AHCY: variants seen among roughly 807,000 people sequenced by gnomAD.
AHCY encodes the protein S-adenosyl-L-homocysteine hydrolase.
AHCY carries 24 observed loss-of-function variants against 45.4 expected under a neutral mutation model. The observed-to-expected ratio is 0.53, with a 90% CI of 0.38 to 0.74. The LOEUF is 0.74. Among genes scored for constraint, AHCY ranks in the 30% least tolerant of loss-of-function variants. The pLI is 0.00. For synonymous variants in AHCY, 245 were observed against 235.1 expected (o/e 1.04, Z -0.39); for missense variants, 449 against 594.1 (o/e 0.76, Z 2.54).
chr20:34,269,159 A>C, the AHCY span: 7 of 1,535,122 alleles, frequency 4.6e-6, no homozygotes, highest in South Asian at 8.4e-5. Flanking sequence ...GCTCAGCCTC[A>C]ACTGCTGAGC....
At chr20:34,235,869 G>GGGAGGGAA in the AHCY span, among the ~76,000 whole-genome samples, 1 of 32,322 alleles carries the variant, frequency 3.1e-5, no homozygotes, top group Non-Finnish European at 5.5e-5. Context: ...AGGAAGGAAA[G>GGGAGGGAA]GAAGGAAGGA....
At chr20:34,286,300 G>C (rs2036182967) in intron 8 of AHCY, 1 of 154,440 alleles carries the variant, frequency 6.5e-6, no homozygotes, top group Non-Finnish European at 1.4e-5. Context: ...TTTCATCCCA[G>C]AAACAACCCT....
chr20:34,308,457 G>A (rs2036916568), intron 1 of AHCY, among the ~76,000 whole-genome samples: 1 of 152,132 alleles, frequency 6.6e-6, no homozygotes, highest in Admixed American at 6.5e-5. Flanking sequence ...GGCTGAGGCA[G>A]GACAGTTGCT....
Position 34,280,796 on chromosome 20 carries a change from T to G in AHCY, c.*238A>C, listed in dbSNP as rs1484735848. 1.7e-6 allele frequency: 1 copy of G among 577,938 alleles called. No individual in the cohort carries two copies. Among genetic ancestry groups the G allele is most frequent in the Non-Finnish European group, 3.1e-6 (1 of 326,188 alleles). 35.8% of individuals were successfully genotyped at this position (577,938 alleles called of 1,614,324 possible). ...TGTTCCAAGACCACTGAGCTCATGG[T>G]TCCCTGTGGCTGGGACCTCCATCAT... On this transcript the variant is annotated 3_prime_UTR_variant, in exon 10 of 10. Transcript: ENST00000217426.
chr20:34,245,730 T>C, the AHCY span, among the ~76,000 whole-genome samples: 4 of 151,984 alleles, frequency 2.6e-5, no homozygotes, highest in African/African-American at 7.3e-5. Flanking sequence ...TATTCATGCA[T>C]GAGCATGACA....
intron 1 of AHCY, among the ~76,000 whole-genome samples, chr20:34,298,716 G>C (rs2036669433): frequency 6.6e-6 from 1 of 151,954 alleles, no homozygotes; most frequent in Non-Finnish European, 1.5e-5. Context: ...GTTATCCAGA[G>C]GCCTAACCAT....
At chr20:34,265,128 A>G in the AHCY span, among the ~76,000 whole-genome samples, 5 of 152,212 alleles carry the variant, frequency 3.3e-5, no homozygotes, top group South Asian at 1.0e-3. Flanking sequence ...AGTATATAAT[A>G]CATATAACAT....
the AHCY span, among the ~76,000 whole-genome samples, chr20:34,250,782 AG>A: frequency 1.3e-5 from 2 of 152,100 alleles, no homozygotes; most frequent in African/African-American, 4.8e-5. Context: ...CCTCTGTCTC[AG>A]TAGGTACTTA....
Position 34,290,213 on chromosome 20 carries a change from C to T in AHCY, c.972+119G>A. On this transcript the variant is annotated intron_variant, in intron 8 of 9. Transcript: ENST00000217426. This position sits in a 1 kb window ranked among gnomAD's most constrained non-coding sequence, Gnocchi z 4.5. The stretch of plus-strand genomic sequence containing the variant: ...CGTCTGGCTGGCTCTGATGCTAGGC[C>T]CTCTTCTCCCCATCCCCCTGCACAG... 1.0e-6 allele frequency: 1 copy of T among 991,736 alleles called. No homozygotes were observed. The highest frequency in any genetic ancestry group is 1.6e-6 in the Non-Finnish European group (1 of 625,308). The allele number at this position is 991,736 out of a possible 1,614,324, so 61.4% of individuals were successfully genotyped here. A position where few individuals can be genotyped will look rare whatever the true frequency, so the allele number is the denominator to read the frequency against.
At chr20:34,266,209 GGA>G in the AHCY span, among the ~76,000 whole-genome samples, 14 of 151,862 alleles carry the variant, frequency 9.2e-5, no homozygotes, top group Admixed American at 8.5e-4. Context: ...AAAATTAGCC[GGA>G]GGTGGTGGCG....
the AHCY span, chr20:34,262,955 G>T: frequency 6.3e-7 from 1 of 1,583,422 alleles, no homozygotes; most frequent in South Asian, 1.1e-5. Context: ...TAAAGAAGGA[G>T]GACCCCCAAC....
At chr20:34,273,186 A>T in the AHCY span, among the ~76,000 whole-genome samples, 1 of 148,984 alleles carries the variant, frequency 6.7e-6, no homozygotes, top group East Asian at 2.0e-4. Flanking sequence ...GAAAGTCCCA[A>T]CCCCATTAAA....
At chr20:34,243,758 T>TAAA in the AHCY span, among the ~76,000 whole-genome samples, 218 of 134,048 alleles carry the variant, frequency 1.6e-3, no homozygotes, top group African/African-American at 5.5e-3. Context: ...ATATTGTATT[T>TAAA]AAAAAAAAAA....
At chr20:34,235,843 AGG>A in the AHCY span, among the ~76,000 whole-genome samples, 29 of 37,996 alleles carry the variant, frequency 7.6e-4, no homozygotes, top group South Asian at 3.0e-3. Flanking sequence ...GAAAGAAAGA[AGG>A]AAGGAAGGAA....
intron 8 of AHCY, among the ~76,000 whole-genome samples, chr20:34,289,584 T>C (rs1168922165): frequency 1.3e-5 from 2 of 148,196 alleles, no homozygotes; most frequent in Non-Finnish European, 3.0e-5. Context: ...CAAGCAATTC[T>C]CTCCTGCCTC....
chr20:34,245,198 G>T, the AHCY span, among the ~76,000 whole-genome samples: 1 of 151,302 alleles, frequency 6.6e-6, no homozygotes, highest in South Asian at 2.1e-4. Context: ...GCTGGGCGTG[G>T]TGGCAGGCGC....
chr20:34,236,607 T>C, the AHCY span, among the ~76,000 whole-genome samples: 2 of 152,014 alleles, frequency 1.3e-5, no homozygotes, highest in Non-Finnish European at 2.9e-5. Context: ...TCCTACCACT[T>C]TGGGAGTCTG....
At chr20:34,258,427 G>C in the AHCY span, among the ~76,000 whole-genome samples, 2 of 149,722 alleles carry the variant, frequency 1.3e-5, no homozygotes, top group Non-Finnish European at 3.0e-5. Flanking sequence ...TATGAAATGT[G>C]AGAAGGGCAA....
chr20:34,295,485 C>G lies in AHCY; in HGVS notation c.129G>C (p.Lys43Asn), dbSNP rs768541516. Residue 43 changes from lysine (K) to asparagine (N), a missense_variant, in exon 2 of 10, where the codon AAG becomes AAC. Lys to Asn is a moderately conservative substitution (Grantham distance 94). Coordinates refer to ENST00000217426, the MANE Select transcript of AHCY (RefSeq NM_000687.4). Reference sequence around the variant, plus strand: ...CAGCGATGCGGGCGCCCTTCAGTGGCTTGGAGGCCGAGTACCGCTCCCGCA... The same window carrying G: ...CAGCGATGCGGGCGCCCTTCAGTGGGTTGGAGGCCGAGTACCGCTCCCGCA... The part of the protein sequence containing the change: ...MRMRERYSAS[K>N]PLKGARIAGC... The G allele has an allele frequency of 1.2e-6, 2 of 1,613,982 alleles. No homozygotes were observed. The highest frequency in any genetic ancestry group is 2.7e-5 in the African/African-American group (2 of 74,944).
Sources: gnomAD v4.1 joint callset for allele counts (sites outside exome capture counted in the v4.1 genomes callset) on GRCh38, gnomAD v4.1.1 for gene constraint, Gnocchi (gnomAD v3.1) non-coding constraint, MANE v1.5 for transcripts, NCBI Gene and HGNC (gene_info 2026-07-23, HGNC 2026-07-21) for gene names.